The following STIL variants were observed in gnomAD, a reference collection of about 807,000 sequenced individuals.
STIL encodes SCL-interrupting locus protein.
STIL carries 55 observed loss-of-function variants against 110.1 expected under a neutral mutation model. The observed-to-expected ratio is 0.50, with a 90% CI of 0.40 to 0.63. STIL has a LOEUF of 0.63. Among genes scored for constraint, STIL ranks in the 20% least tolerant of loss-of-function variants. The pLI, the probability that STIL is intolerant of heterozygous loss-of-function variation, is 0.00. For missense variants in STIL, 1,358 were observed against 1,530.0 expected (o/e 0.89, Z 1.87); for synonymous variants, 481 against 530.0 (o/e 0.91, Z 1.27).
At chr1:47,282,262 A>G in intron 11 of STIL, 83 bp downstream of exon 11, 2 of 827,898 alleles carry the variant, frequency 2.4e-6, no homozygotes, top group East Asian at 2.4e-5. Flanking sequence ...CTTAGGTTTC[A>G]GGTAGTATTA....
At chr1:47,290,429 G>A (rs1179330525) in intron 8 of STIL, among the ~76,000 whole-genome samples, 1 of 152,216 alleles carries the variant, frequency 6.6e-6, no homozygotes, top group Admixed American at 6.5e-5. Flanking sequence ...GCACAGGCCG[G>A]GCGCAGTGGC....
At chr1:47,274,774 A>G (rs1271569672) in intron 12 of STIL, among the ~76,000 whole-genome samples, 1 of 151,052 alleles carries the variant, frequency 6.6e-6, no homozygotes, top group Admixed American at 6.6e-5. Context: ...AATGGTAACT[A>G]GTGGTGGGGG....
intron 14 of STIL, among the ~76,000 whole-genome samples, chr1:47,264,826 T>C (rs1644588595): frequency 6.6e-6 from 1 of 151,690 alleles, no homozygotes; most frequent in African/African-American, 2.4e-5. Context: ...GAGCAAAGAT[T>C]AGATTTACAT....
At chr1:47,309,220 C>T (rs1235374801) in intron 2 of STIL, among the ~76,000 whole-genome samples, 1 of 151,840 alleles carries the variant, frequency 6.6e-6, no homozygotes, top group Non-Finnish European at 1.5e-5. Flanking sequence ...CACCATGTAC[C>T]CACAAAAATT....
chr1:47,255,550 CAAA>C (rs60137249), intron 16 of STIL, among the ~76,000 whole-genome samples: 4 of 123,522 alleles, frequency 3.2e-5, no homozygotes, highest in Admixed American at 8.3e-5. Context: ...CCCTGTCTCT[CAAA>C]AAAAAAAAAA....
chr1:47,314,300 G>A (rs887647201), upstream of STIL, among the ~76,000 whole-genome samples: 4 of 152,258 alleles, frequency 2.6e-5, no homozygotes, highest in Admixed American at 6.5e-5. Context: ...GCCCCGCACT[G>A]GTTCCGCGCT....
At chr1:47,307,889 T>G (rs573360974) in intron 2 of STIL, among the ~76,000 whole-genome samples, 1 of 152,230 alleles carries the variant, frequency 6.6e-6, no homozygotes, top group East Asian at 1.9e-4. Context: ...CTGTCTCTTA[T>G]GGTCGAGATT....
intron 8 of STIL, among the ~76,000 whole-genome samples, chr1:47,290,344 A>G (rs1645444968): frequency 1.3e-5 from 2 of 152,226 alleles, no homozygotes; most frequent in African/African-American, 4.8e-5. Context: ...ATATATCATC[A>G]ATATGTGTTT....
At position 47,296,021 on chromosome 1, in the gene STIL, A is replaced by G. The variant is rs547653493; in HGVS notation, c.702-173T>C. 2.6e-5 allele frequency among the ~76,000 whole-genome samples: 4 copies of G among 152,316 alleles called. No homozygotes were observed. In the South Asian group the frequency reaches 8.3e-4, roughly 32 times the overall value. ...ACTGACTCAGTAAAAAGACTCTGGT[A>G]AGAGGAAGAGATTAAAGAGATTTAA... On this transcript the variant is annotated intron_variant, in intron 6 of 16. Transcript: ENST00000371877.
chr1:47,282,553 A>G (rs1645182103), intron 10 of STIL, 94 bp from the exon 11 acceptor site: 6 of 745,434 alleles, frequency 8.0e-6, no homozygotes, highest in South Asian at 2.9e-5. Flanking sequence ...AAGTTGCAGT[A>G]GTACTCAGAT....
chr1:47,265,248 A>AAAAAAAAC (rs1644608352), intron 14 of STIL, among the ~76,000 whole-genome samples: 1 of 150,518 alleles, frequency 6.6e-6, no homozygotes, highest in Non-Finnish European at 1.5e-5. Flanking sequence ...AAAAAAAAAA[A>AAAAAAAAC]AAAAAAAAAA....
chr1:47,259,184 C>T (rs1644409480), intron 16 of STIL, among the ~76,000 whole-genome samples: 1 of 150,980 alleles, frequency 6.6e-6, no homozygotes, highest in Admixed American at 6.6e-5. Flanking sequence ...GACGGGGTTT[C>T]ACCGTGTTAG....
chr1:47,269,360 G>T (rs1367524275), intron 14 of STIL, among the ~76,000 whole-genome samples: 2 of 151,200 alleles, frequency 1.3e-5, no homozygotes, highest in Non-Finnish European at 3.0e-5. Context: ...AAAGAAATTA[G>T]AATTAAAAAC....
In STIL at chr1:47,251,504, C is replaced by T; in HGVS notation, c.3499G>A (p.Gly1167Ser). ...TCATTCTTAGAAGGCTCTTTCTGAC[C>T]ACCAAGCTGTTCAGGTATGGACCTA... ...NLRSIPEQLG[G>S]QKEPSKNDHE... Residue 1167 changes from glycine (G) to serine (S), a missense_variant, in exon 17 of 17, where the codon GGT becomes AGT. By Grantham distance (56) the Gly-to-Ser change is moderately conservative. Transcript: ENST00000371877. 1 of 1,614,202 alleles carries T rather than the reference C, an allele frequency of 6.2e-7. No homozygotes were observed. Among genetic ancestry groups the T allele is most frequent in the Non-Finnish European group, 8.5e-7 (1 of 1,180,048 alleles).
intron 12 of STIL, among the ~76,000 whole-genome samples, chr1:47,277,764 A>C (rs1645034612): frequency 6.6e-6 from 1 of 152,168 alleles, no homozygotes; most frequent in Non-Finnish European, 1.5e-5. Flanking sequence ...ATATGTCAGC[A>C]ATATTCTACA....
chr1:47,303,480 G>A lies in STIL; in HGVS notation c.153-1134C>T, dbSNP rs113761400. Among the ~76,000 whole-genome samples, 85 of 152,260 alleles carry A rather than the reference G, an allele frequency of 5.6e-4. 1 individual carries two copies. The highest frequency in any genetic ancestry group is 7.2e-4 in the Non-Finnish European group (49 of 68,010). Reference sequence around the variant, plus strand: ...CTTGGGAGGCTGAGACAGGAGAATCGCTTGTACATGGGAGGCGGAGGTTGC... The same window carrying A: ...CTTGGGAGGCTGAGACAGGAGAATCACTTGTACATGGGAGGCGGAGGTTGC... On this transcript the variant is annotated intron_variant, in intron 3 of 16. Transcript: ENST00000371877.
chr1:47,267,559 G>C (rs1385427766), intron 14 of STIL, among the ~76,000 whole-genome samples: 1 of 151,190 alleles, frequency 6.6e-6, no homozygotes, highest in Non-Finnish European at 1.5e-5. Flanking sequence ...ACAAAAATTA[G>C]CCAGGTGTGG....
intron 5 of STIL, 87 bp downstream of exon 5, chr1:47,301,473 CT>C: frequency 1.5e-6 from 2 of 1,366,010 alleles, no homozygotes; most frequent in Non-Finnish European, 2.1e-6. Flanking sequence ...GTAAATCATT[CT>C]CAAATATGGT....
At chr1:47,289,632 AT>A (rs1406294117) in intron 8 of STIL, 47 bp from the exon 9 acceptor site, 1 of 1,519,746 alleles carries the variant, frequency 6.6e-7, no homozygotes, top group African/African-American at 1.4e-5. Context: ...GGATAACATG[AT>A]GACACTCAAA....
Sources: gnomAD v4.1 joint callset for allele counts (sites outside exome capture counted in the v4.1 genomes callset) on GRCh38, gnomAD v4.1.1 for gene constraint, MANE v1.5 for transcripts, NCBI Gene and HGNC (gene_info 2026-07-23, HGNC 2026-07-21) for gene names.